The following SPATS2 variants were observed in gnomAD, a reference collection of about 807,000 sequenced individuals.
SPATS2 encodes the protein spermatogenesis associated serine rich 2, also known as spermatogenesis-associated serine-rich protein 2.
A neutral mutation model predicts 63.7 loss-of-function variants in SPATS2; 38 were observed. The observed-to-expected ratio is 0.60, with a 90% confidence interval of 0.46 to 0.78. The LOEUF (loss-of-function observed/expected upper bound fraction) is 0.78. Among genes scored for constraint, SPATS2 ranks in the 30% least tolerant of loss-of-function variants. The pLI, the probability that SPATS2 is intolerant of heterozygous loss-of-function variation, is 0.00. For synonymous variants in SPATS2, 207 were observed against 232.9 expected, an observed-to-expected ratio of 0.89 and a Z score of 1.01; for missense variants, 588 against 666.2, an observed-to-expected ratio of 0.88 and a Z score of 1.29.
chr12:49,447,888 A>G (rs559662360), intron 2 of SPATS2, among the ~76,000 whole-genome samples: 1 of 152,050 alleles, frequency 6.6e-6, no homozygotes, highest in South Asian at 2.1e-4. Flanking sequence ...TGTAGGTAAA[A>G]AGAACCAACT....
intron 2 of SPATS2, among the ~76,000 whole-genome samples, chr12:49,391,642 G>C (rs1291274503): frequency 6.6e-6 from 1 of 152,176 alleles, no homozygotes; most frequent in Non-Finnish European, 1.5e-5. Flanking sequence ...GTAGTAAAAA[G>C]GGATAAAAGA....
At chr12:49,386,120 C>T (rs924104201) in intron 2 of SPATS2, among the ~76,000 whole-genome samples, 15 of 151,230 alleles carry the variant, frequency 9.9e-5, no homozygotes, top group Middle Eastern at 6.8e-3. Flanking sequence ...CCGCCTGCCT[C>T]GGCCCCCAAA....
At chr12:49,390,103 T>C in intron 2 of SPATS2, 1 of 1,465,584 alleles carries the variant, frequency 6.8e-7, no homozygotes, top group South Asian at 1.1e-5. Context: ...AGAAGATGTG[T>C]CGGAAAGTAC....
At chr12:49,437,701 C>T (rs111500864) in intron 2 of SPATS2, among the ~76,000 whole-genome samples, 44,570 of 151,704 alleles carry the variant, frequency 0.29, 8,853 homozygotes, top group African/African-American at 0.57. Context: ...TGGCGGCGCG[C>T]GCCTGCAATC....
At chr12:49,424,311 A>G (rs1312718109) in intron 2 of SPATS2, among the ~76,000 whole-genome samples, 4 of 152,208 alleles carry the variant, frequency 2.6e-5, no homozygotes, top group South Asian at 2.1e-4. Context: ...TTCAGCAGCC[A>G]TCTTCTTCTG....
Position 49,423,084 on chromosome 12 carries a change from A to AT in SPATS2, c.-243-37683dup, listed in dbSNP as rs1477542036. On this transcript the variant is annotated intron_variant, in intron 2 of 13. Transcript: ENST00000552918. ...CTTTTCAAAGAAAAAAGTCTTCCCT[A>AT]TTTGGGGGAAAACCCCTTTTGCTTT... 2.0e-5 allele frequency among the ~76,000 whole-genome samples: 3 copies of AT among 150,572 alleles called. No individual in the cohort carries two copies. The East Asian group carries it at 5.9e-4, about 29-fold the overall frequency.
At chr12:49,421,440 AAAAC>A (rs1418796024) in intron 2 of SPATS2, among the ~76,000 whole-genome samples, 12 of 151,014 alleles carry the variant, frequency 7.9e-5, no homozygotes, top group South Asian at 2.1e-4. Context: ...AAAAAAAAAA[AAAAC>A]AACCTTTGCA....
At chr12:49,466,743 T>C (rs74089515) in intron 3 of SPATS2, among the ~76,000 whole-genome samples, 7,506 of 152,264 alleles carry the variant, frequency 0.049, 366 homozygotes, top group African/African-American at 0.12. Context: ...CATCCTCCAA[T>C]GATTTTCCCC....
At chr12:49,431,260 T>TC (rs1418387175) in intron 2 of SPATS2, among the ~76,000 whole-genome samples, 2 of 151,788 alleles carry the variant, frequency 1.3e-5, no homozygotes, top group Admixed American at 6.6e-5. Flanking sequence ...TTTTTTTTTT[T>TC]CTTTTTAAGG....
chr12:49,398,156 A>AAAAAAAAG (rs1944545842), intron 2 of SPATS2, among the ~76,000 whole-genome samples: 1 of 142,844 alleles, frequency 7.0e-6, no homozygotes, highest in African/African-American at 2.6e-5. Context: ...AAAAAAAAAA[A>AAAAAAAAG]AAAAGAAAAG....
upstream of SPATS2, chr12:49,367,185 C>T (rs1016477861): frequency 2.3e-5 from 4 of 175,532 alleles, no homozygotes; most frequent in African/African-American, 7.1e-5. Flanking sequence ...TCTCGCCGCT[C>T]GAGCCGCGCT....
At chr12:49,509,051 G>A (rs1356781063) in intron 9 of SPATS2, among the ~76,000 whole-genome samples, 1 of 151,842 alleles carries the variant, frequency 6.6e-6, no homozygotes, top group Non-Finnish European at 1.5e-5. Flanking sequence ...GCAACAGAGT[G>A]AGACTCTGTC....
intron 2 of SPATS2, among the ~76,000 whole-genome samples, chr12:49,400,274 GGGTAATC>G (rs1194411938): frequency 6.6e-6 from 1 of 152,114 alleles, no homozygotes; most frequent in African/African-American, 2.4e-5. Flanking sequence ...GGCTTTGGTA[GGGTAATC>G]AGGAAGCAAA....
intron 3 of SPATS2, among the ~76,000 whole-genome samples, chr12:49,473,754 A>G (rs957136718): frequency 1.3e-5 from 2 of 152,244 alleles, no homozygotes; most frequent in African/African-American, 2.4e-5. Flanking sequence ...AGAAGCTAAC[A>G]TGAGTCTTAC....
intron 9 of SPATS2, among the ~76,000 whole-genome samples, chr12:49,503,122 C>T (rs752754026): frequency 7.9e-5 from 12 of 152,028 alleles, no homozygotes; most frequent in Admixed American, 2.0e-4. Context: ...GAGGCCAAGG[C>T]GGGCAGATCA....
At chr12:49,484,032 C>CT (rs1192308906) in intron 3 of SPATS2, among the ~76,000 whole-genome samples, 1 of 152,158 alleles carries the variant, frequency 6.6e-6, no homozygotes, top group East Asian at 1.9e-4. Flanking sequence ...AAACCAGAAT[C>CT]TTTTTTTGTA....
At chr12:49,432,509 GTT>G (rs566922477) in intron 2 of SPATS2, among the ~76,000 whole-genome samples, 74 of 152,226 alleles carry the variant, frequency 4.9e-4, no homozygotes, top group African/African-American at 1.7e-3. Context: ...GTTCAGGAGC[GTT>G]AAGTATATTC....
rs138097273 is a variant in SPATS2, at chr12:49,381,046, T to TTTG, written c.-244+9780_-244+9782dup. On this transcript the variant is annotated intron_variant, in intron 2 of 13. Coordinates refer to ENST00000552918, the MANE Select transcript of SPATS2 (RefSeq NM_023071.4). ...TGATTTCTTCACATCCTTGTCAACA[T>TTTG]TTGTTGTTGTTGTTGTTGTTGTTGT... is the stretch of plus-strand genomic sequence containing the variant. Among the ~76,000 whole-genome samples the TTTG allele has an allele frequency of 3.7e-4, 56 of 151,452 alleles. No homozygotes were observed. The East Asian group carries it at 5.0e-3, about 14-fold the overall frequency.
chr12:49,405,648 G>A (rs532285350), intron 2 of SPATS2, among the ~76,000 whole-genome samples: 39 of 152,020 alleles, frequency 2.6e-4, no homozygotes, highest in African/African-American at 9.2e-4. Flanking sequence ...GCAGTTAGCC[G>A]AGGTTGCAGT....
Sources: allele counts gnomAD v4.1 joint callset (sites outside exome capture counted in the v4.1 genomes callset), GRCh38; gene constraint gnomAD v4.1.1; transcripts MANE v1.5; gene names NCBI Gene and HGNC (gene_info 2026-07-23, HGNC 2026-07-21).